The following NUDCD3 variants were observed in gnomAD, a reference collection of about 807,000 sequenced individuals.
The protein encoded by NUDCD3 is NudC domain containing 3.
In NUDCD3, 13 loss-of-function variants were observed where a neutral mutation model predicts 39.7. That is an observed-to-expected ratio of 0.33 (90% CI 0.21 to 0.52). The LOEUF (loss-of-function observed/expected upper bound fraction) is 0.52. Ranked by LOEUF, NUDCD3 falls within the 20% of genes least tolerant of loss-of-function variation. The pLI is 0.96. For synonymous variants in NUDCD3, 175 were observed against 172.4 expected (o/e 1.02, Z -0.12); for missense variants, 453 against 458.1 (o/e 0.99, Z 0.10).
In NUDCD3 at chr7:44,385,959, G is replaced by C; in HGVS notation, c.*52C>G. ...ATGCAGGGAGCCAAGAAGGGCAGCC[G>C]AGGATAAGGCTCTGCCTCCCCACCG... On this transcript the variant is annotated 3_prime_UTR_variant, in exon 6 of 6. Transcript: ENST00000355451. 1.1e-6 allele frequency: 1 copy of C among 910,782 alleles called. No individual in the cohort carries two copies. The highest frequency in any genetic ancestry group is 1.8e-6 in the Non-Finnish European group (1 of 541,984). 56.4% of individuals were successfully genotyped at this position (910,782 alleles called of 1,614,324 possible). A position where few individuals can be genotyped will look rare whatever the true frequency, so the allele number is the denominator to read the frequency against.
intron 2 of NUDCD3, among the ~76,000 whole-genome samples, chr7:44,459,315 C>T (rs916527797): frequency 6.6e-6 from 1 of 151,786 alleles, no homozygotes; most frequent in Non-Finnish European, 1.5e-5. Flanking sequence ...TCTCCCATCT[C>T]GGCCCCCTGA....
rs550441118 is a variant in NUDCD3 at position 44,384,301 on chromosome 7, G to A, written c.*1710C>T. 2 of 152,166 alleles carry A rather than the reference G, an allele frequency of 1.3e-5. No homozygotes were observed. Among genetic ancestry groups the A allele is most frequent in the African/African-American group, 4.8e-5 (2 of 41,484 alleles). The allele number at this position is 152,166 out of a possible 1,614,324, so 9.4% of individuals were successfully genotyped here. ...GCAAATCCTAGGACCTCAATGGGAA[G>A]AACTCCAGGAAAAAAAATGACAAGT... On this transcript the variant is annotated 3_prime_UTR_variant, in exon 6 of 6. Coordinates refer to ENST00000355451, the MANE Select transcript of NUDCD3 (RefSeq NM_015332.4).
Position 44,384,792 on chromosome 7 carries a change from C to A in NUDCD3, c.*1219G>T, listed in dbSNP as rs955977563. On this transcript the variant is annotated 3_prime_UTR_variant, in exon 6 of 6. Coordinates refer to ENST00000355451, the MANE Select transcript of NUDCD3 (RefSeq NM_015332.4). ...TGCCGGTGGCAGCTGAACCATACTCCCGGCGATGGGCACCCAGAGCCCCTG... is the reference window on the plus strand; with the variant it reads ...TGCCGGTGGCAGCTGAACCATACTCACGGCGATGGGCACCCAGAGCCCCTG... 3 of 152,212 alleles carry A rather than the reference C, an allele frequency of 2.0e-5. No individual in the cohort carries two copies. The highest frequency in any genetic ancestry group is 4.4e-5 in the Non-Finnish European group (3 of 68,054). The allele number at this position is 152,212 out of a possible 1,614,324, so 9.4% of individuals were successfully genotyped here. A position where few individuals can be genotyped will look rare whatever the true frequency, so the allele number is the denominator to read the frequency against.
At chr7:44,467,928 A>G (rs1460765969) in intron 2 of NUDCD3, 5 of 1,608,360 alleles carry the variant, frequency 3.1e-6, no homozygotes, top group Admixed American at 1.7e-5. Flanking sequence ...GTGAAGCCCA[A>G]GATCGTCAAA....
chr7:44,480,833 TTGGGAGGCTGAGG>T (rs1339823862), intron 2 of NUDCD3, among the ~76,000 whole-genome samples: 1 of 151,068 alleles, frequency 6.6e-6, no homozygotes, highest in East Asian at 1.9e-4. Flanking sequence ...TCCCAGCTAC[TTGGGAGGCTGAGG>T]TGGGAGGCTC....
chr7:44,422,500 T>C (rs1442120155), intron 3 of NUDCD3, among the ~76,000 whole-genome samples: 1 of 152,142 alleles, frequency 6.6e-6, no homozygotes, highest in Non-Finnish European at 1.5e-5. Context: ...CAGAGAATAC[T>C]ATAAACACCT....
chr7:44,441,230 C>T (rs183350735), intron 2 of NUDCD3, among the ~76,000 whole-genome samples: 27 of 152,250 alleles, frequency 1.8e-4, no homozygotes, highest in Admixed American at 3.3e-4. Flanking sequence ...AATAACAAGA[C>T]GTGTTTTCAC....
chr7:44,422,690 C>T (rs1799164463), intron 3 of NUDCD3, among the ~76,000 whole-genome samples: 5 of 152,152 alleles, frequency 3.3e-5, no homozygotes, highest in Admixed American at 2.6e-4. Context: ...GATTCACAGC[C>T]GAATTCTACC....
At chr7:44,389,745 G>A (rs942306267) in intron 5 of NUDCD3, among the ~76,000 whole-genome samples, 4 of 152,154 alleles carry the variant, frequency 2.6e-5, no homozygotes, top group African/African-American at 4.8e-5. Context: ...ATGTTACAAG[G>A]TGTTGGCACA....
chr7:44,446,501 G>A (rs560593939), intron 2 of NUDCD3, among the ~76,000 whole-genome samples: 45 of 152,346 alleles, frequency 3.0e-4, no homozygotes, highest in Admixed American at 1.2e-3. Flanking sequence ...CTTGGTGTTA[G>A]CCAATTTGAT....
intron 4 of NUDCD3, among the ~76,000 whole-genome samples, chr7:44,394,028 C>G (rs1384177666): frequency 3.3e-5 from 5 of 152,212 alleles, no homozygotes; most frequent in Non-Finnish European, 5.9e-5. Flanking sequence ...GTACTCAGCA[C>G]CAGACTCTGC....
At chr7:44,457,504 C>T (rs1280476155) in intron 2 of NUDCD3, among the ~76,000 whole-genome samples, 1 of 152,016 alleles carries the variant, frequency 6.6e-6, no homozygotes, top group Non-Finnish European at 1.5e-5. Flanking sequence ...TATTGTATTC[C>T]TATAAACTAG....
intron 3 of NUDCD3, among the ~76,000 whole-genome samples, chr7:44,421,374 TAAAG>T (rs977161879): frequency 1.5e-5 from 2 of 133,644 alleles, no homozygotes; most frequent in African/African-American, 5.7e-5. Flanking sequence ...GCAAATTGCA[TAAAG>T]AGTCAAAATC....
chr7:44,412,643 C>G (rs1442504835), intron 3 of NUDCD3, among the ~76,000 whole-genome samples: 1 of 152,126 alleles, frequency 6.6e-6, no homozygotes, highest in African/African-American at 2.4e-5. Flanking sequence ...AAACCATTGG[C>G]AGGGCCGGGC....
intron 2 of NUDCD3, among the ~76,000 whole-genome samples, chr7:44,455,677 T>C (rs1020361877): frequency 2.6e-5 from 4 of 152,184 alleles, no homozygotes; most frequent in African/African-American, 4.8e-5. Flanking sequence ...TAAGAACACG[T>C]GTAAGAGCAC....
chr7:44,446,022 T>C (rs773060842), intron 2 of NUDCD3, among the ~76,000 whole-genome samples: 2 of 152,182 alleles, frequency 1.3e-5, no homozygotes, highest in Non-Finnish European at 2.9e-5. Context: ...AGAGCTCAGG[T>C]AAGACAACCT....
intron 3 of NUDCD3, among the ~76,000 whole-genome samples, chr7:44,409,493 T>C (rs1798883081): frequency 6.6e-6 from 1 of 151,820 alleles, no homozygotes; most frequent in East Asian, 1.9e-4. Context: ...ATAGCAACCA[T>C]GGGAAGAAAG....
intron 2 of NUDCD3, among the ~76,000 whole-genome samples, chr7:44,473,251 T>C (rs1189134258): frequency 6.6e-6 from 1 of 152,130 alleles, no homozygotes; most frequent in Non-Finnish European, 1.5e-5. Flanking sequence ...GACCCAAGCA[T>C]TTTATTTTAT....
intron 4 of NUDCD3, among the ~76,000 whole-genome samples, chr7:44,402,040 T>A (rs765655626): frequency 3.9e-5 from 6 of 152,208 alleles, no homozygotes; most frequent in Non-Finnish European, 7.3e-5. Context: ...GCCTTTCAGC[T>A]GAAACGGAGC....
Sources: allele counts gnomAD v4.1 joint callset (sites outside exome capture counted in the v4.1 genomes callset), GRCh38; gene constraint gnomAD v4.1.1; transcripts MANE v1.5; gene names NCBI Gene and HGNC (gene_info 2026-07-23, HGNC 2026-07-21).